C12orf54: variants seen among roughly 807,000 people sequenced by gnomAD.
C12orf54 encodes the protein chromosome 12 open reading frame 54.
A neutral mutation model predicts 26.4 loss-of-function variants in C12orf54; 24 were observed. The ratio of observed to expected loss-of-function variants is 0.91; its 90% CI spans 0.66 to 1.28. The LOEUF (loss-of-function observed/expected upper bound fraction) is 1.28. Among genes scored for constraint, C12orf54 ranks in the 50% most tolerant of loss-of-function variants. C12orf54 has a pLI of 0.00. For missense variants in C12orf54, 154 were observed against 150.9 expected (o/e 1.02, Z -0.11); for synonymous variants, 54 against 47.0 (o/e 1.15, Z -0.61).
the C12orf54 span, among the ~76,000 whole-genome samples, chr12:48,446,498 C>G: frequency 6.6e-6 from 1 of 152,146 alleles, no homozygotes; most frequent in African/African-American, 2.4e-5. Flanking sequence ...TTCAGAAGGG[C>G]TGCTGGGTTA....
chr12:48,479,222 T>C (rs11833135), upstream of C12orf54, among the ~76,000 whole-genome samples: 22,430 of 152,038 alleles, frequency 0.15, 2,874 homozygotes, highest in East Asian at 0.66. Flanking sequence ...GGGACATGGA[T>C]GAAACAGGAA....
At chr12:48,471,759 T>G in the C12orf54 span, among the ~76,000 whole-genome samples, 1 of 152,212 alleles carries the variant, frequency 6.6e-6, no homozygotes, top group African/African-American at 2.4e-5. Flanking sequence ...TATAGGATAG[T>G]TTGAAGTCAG....
chr12:48,445,364 G>C, the C12orf54 span, among the ~76,000 whole-genome samples: 2 of 151,890 alleles, frequency 1.3e-5, no homozygotes, highest in Non-Finnish European at 2.9e-5. Flanking sequence ...TCACCAACTG[G>C]ACAGGTTTGC....
intron 5 of C12orf54, among the ~76,000 whole-genome samples, chr12:48,490,507 G>A (rs1937764425): frequency 6.6e-6 from 1 of 152,120 alleles, no homozygotes. Context: ...GCAAAAATTA[G>A]TCAGACATGG....
At chr12:48,456,299 A>G in the C12orf54 span, among the ~76,000 whole-genome samples, 1 of 152,202 alleles carries the variant, frequency 6.6e-6, no homozygotes, top group Non-Finnish European at 1.5e-5. Flanking sequence ...CAGTATAGTA[A>G]GTTATACTCT....
chr12:48,433,256 T>C, the C12orf54 span, among the ~76,000 whole-genome samples: 1 of 152,192 alleles, frequency 6.6e-6, no homozygotes, highest in Non-Finnish European at 1.5e-5. Context: ...ACAGTGCTTG[T>C]GCGTTCATGG....
At chr12:48,495,046 G>A in intron 8 of C12orf54, 67 bp downstream of exon 8, 2 of 1,222,824 alleles carry the variant, frequency 1.6e-6, no homozygotes, top group South Asian at 1.4e-5. Context: ...AGGAACCCAG[G>A]CCTCTTAGGC....
chr12:48,431,190 A>C, the C12orf54 span, among the ~76,000 whole-genome samples: 1 of 152,196 alleles, frequency 6.6e-6, no homozygotes, highest in African/African-American at 2.4e-5. Context: ...AATAGGGTGC[A>C]ATGTGTACTG....
chr12:48,433,163 A>T, the C12orf54 span, among the ~76,000 whole-genome samples: 1 of 152,192 alleles, frequency 6.6e-6, no homozygotes, highest in East Asian at 1.9e-4. Context: ...AATACCTGTC[A>T]CCAATGGCAA....
the C12orf54 span, among the ~76,000 whole-genome samples, chr12:48,448,278 G>A: frequency 3.3e-5 from 5 of 152,130 alleles, no homozygotes; most frequent in East Asian, 9.6e-4. Context: ...TTACACAGCA[G>A]TAGAAAATGA....
At chr12:48,459,759 G>C in the C12orf54 span, among the ~76,000 whole-genome samples, 2 of 152,296 alleles carry the variant, frequency 1.3e-5, no homozygotes, top group South Asian at 4.1e-4. Context: ...AAATCCAGGA[G>C]AAACCAGGTG....
chr12:48,495,095 G>C, intron 8 of C12orf54, 116 bp downstream of exon 8: 1 of 749,384 alleles, frequency 1.3e-6, no homozygotes, highest in Non-Finnish European at 2.1e-6. Context: ...CCATGAAGCA[G>C]GTGCAGTCAT....
chr12:48,492,934 G>C lies in C12orf54; in HGVS notation c.194-13G>C. Reference sequence around the variant, plus strand: ...CCCTGTAACAGAATGACTCTTCTCTGTGTCCACTTTAGGGATGAGCAACTG... The same window carrying C: ...CCCTGTAACAGAATGACTCTTCTCTCTGTCCACTTTAGGGATGAGCAACTG... On this transcript the variant is annotated splice_polypyrimidine_tract_variant and intron_variant, in intron 6 of 8. Coordinates refer to ENST00000548364, the MANE Select transcript of C12orf54 (RefSeq NM_152319.4). 2 of 1,613,288 alleles carry C rather than the reference G, an allele frequency of 1.2e-6. No individual in the cohort carries two copies.
the C12orf54 span, among the ~76,000 whole-genome samples, chr12:48,457,957 G>A: frequency 6.6e-6 from 1 of 152,180 alleles, no homozygotes; most frequent in African/African-American, 2.4e-5. Context: ...TCCTCTGACA[G>A]ATCACAGAAA....
chr12:48,480,249 A>C (rs914878165), upstream of C12orf54, among the ~76,000 whole-genome samples: 1 of 152,204 alleles, frequency 6.6e-6, no homozygotes, highest in Non-Finnish European at 1.5e-5. Flanking sequence ...TTGTTTCACA[A>C]AAAAATTACT....
the C12orf54 span, among the ~76,000 whole-genome samples, chr12:48,424,458 C>G: frequency 1.3e-5 from 2 of 151,988 alleles, no homozygotes; most frequent in Admixed American, 6.6e-5. Flanking sequence ...CAAGGCCATC[C>G]GGACCTGGAG....
upstream of C12orf54, among the ~76,000 whole-genome samples, chr12:48,477,927 T>G (rs774707161): frequency 2.2e-4 from 33 of 152,178 alleles, 1 homozygote; most frequent in African/African-American, 6.0e-4. Context: ...TACCAAAGCC[T>G]GGCAGAGACA....
intron 6 of C12orf54, 107 bp downstream of exon 6, chr12:48,490,943 G>A: frequency 7.4e-7 from 1 of 1,356,090 alleles, no homozygotes; most frequent in South Asian, 1.2e-5. Flanking sequence ...GAGATAAGAA[G>A]TGAGATATGG....
chr12:48,468,372 G>T, the C12orf54 span, among the ~76,000 whole-genome samples: 3 of 152,166 alleles, frequency 2.0e-5, no homozygotes, highest in Non-Finnish European at 1.5e-5. Flanking sequence ...GGGCAGGAAT[G>T]ATGTCCAAGG....
Sources: gnomAD v4.1 joint callset for allele counts (sites outside exome capture counted in the v4.1 genomes callset) on GRCh38, gnomAD v4.1.1 for gene constraint, MANE v1.5 for transcripts, NCBI Gene and HGNC (gene_info 2026-07-23, HGNC 2026-07-21) for gene names.